Variants in STPG2 observed in about 807,000 individuals in gnomAD.
The protein encoded by STPG2 is sperm tail PG-rich repeat containing 2, also known as sperm-tail PG-rich repeat-containing protein 2.
STPG2 carries 56 observed loss-of-function variants against 54.2 expected under a neutral mutation model. The observed-to-expected ratio is 1.03, with a 90% confidence interval of 0.83 to 1.29. The LOEUF (loss-of-function observed/expected upper bound fraction) is 1.29. Ranked by LOEUF, STPG2 falls within the 50% of genes most tolerant of loss-of-function variation. The pLI is 0.00. For missense variants in STPG2, 596 were observed against 544.9 expected, an observed-to-expected ratio of 1.09 and a Z score of -0.93; for synonymous variants, 200 against 181.8, an observed-to-expected ratio of 1.10 and a Z score of -0.81.
At chr4:98,138,116 G>A (rs13108422) in intron 1 of STPG2, among the ~76,000 whole-genome samples, 59,308 of 151,704 alleles carry the variant, frequency 0.39, 11,822 homozygotes, top group Middle Eastern at 0.45. Flanking sequence ...AGACATGCAT[G>A]TATGATAGGC....
At chr4:97,474,319 A>G (rs931707203) in intron 4 of STPG2, among the ~76,000 whole-genome samples, 1 of 152,148 alleles carries the variant, frequency 6.6e-6, no homozygotes, top group Non-Finnish European at 1.5e-5. Context: ...TGCATTTTCC[A>G]TTTCATTGTT....
chr4:97,959,673 C>T (rs1366433620), intron 7 of STPG2, among the ~76,000 whole-genome samples: 2 of 150,980 alleles, frequency 1.3e-5, no homozygotes, highest in Non-Finnish European at 3.0e-5. Flanking sequence ...ATACCCTGAA[C>T]AAACCAATAG....
In STPG2 at chr4:97,655,062, T is replaced by C. The variant is rs527780966; in HGVS notation, c.1320+57637A>G. On this transcript the variant is annotated intron_variant, in intron 10 of 10. Coordinates refer to ENST00000295268, the MANE Select transcript of STPG2 (RefSeq NM_174952.3). Reference sequence around the variant, plus strand: ...TGGTTATCTCTGGCTGATAGAATTATAAATGATTTTCACTACTTTCTACTA... The same window carrying C: ...TGGTTATCTCTGGCTGATAGAATTACAAATGATTTTCACTACTTTCTACTA... 8.5e-5 allele frequency among the ~76,000 whole-genome samples: 13 copies of C among 152,226 alleles called. No individual in the cohort carries two copies. The South Asian group carries it at 1.2e-3, about 15-fold the overall frequency.
intron 9 of STPG2, among the ~76,000 whole-genome samples, chr4:97,839,845 A>G (rs973617673): frequency 1.3e-5 from 2 of 151,692 alleles, no homozygotes; most frequent in Non-Finnish European, 1.5e-5. Flanking sequence ...TTCATTAAAA[A>G]CTTTGGAAAA....
At chr4:98,045,658 A>G (rs987989414) in intron 5 of STPG2, among the ~76,000 whole-genome samples, 13 of 152,106 alleles carry the variant, frequency 8.5e-5, no homozygotes, top group Non-Finnish European at 1.6e-4. Context: ...CACTTTGATT[A>G]TATTACCCTA....
chr4:97,594,444 A>T (rs1047728788), intron 10 of STPG2, among the ~76,000 whole-genome samples: 1 of 152,210 alleles, frequency 6.6e-6, no homozygotes, highest in African/African-American at 2.4e-5. Context: ...AAACAAAAAT[A>T]AAGAAAAAAG....
At chr4:97,892,719 C>G (rs535235702) in intron 8 of STPG2, among the ~76,000 whole-genome samples, 1 of 152,280 alleles carries the variant, frequency 6.6e-6, no homozygotes, top group East Asian at 1.9e-4. Context: ...GCACATGCAC[C>G]AACCACAGGG....
chr4:97,994,593 C>T (rs937209044), intron 5 of STPG2, among the ~76,000 whole-genome samples: 1 of 151,942 alleles, frequency 6.6e-6, no homozygotes, highest in Non-Finnish European at 1.5e-5. Flanking sequence ...TCTAGCCACC[C>T]GGCAGAGATA....
chr4:97,650,371 T>C (rs1196731040), intron 10 of STPG2, among the ~76,000 whole-genome samples: 1 of 152,104 alleles, frequency 6.6e-6, no homozygotes, highest in African/African-American at 2.4e-5. Context: ...TGAGTGACCA[T>C]GGACCTGCCC....
chr4:97,753,879 T>G (rs559311442), intron 9 of STPG2, among the ~76,000 whole-genome samples: 3 of 152,134 alleles, frequency 2.0e-5, no homozygotes, highest in East Asian at 1.9e-4. Context: ...TGTTGTTGTT[T>G]TTGAGTTTAA....
chr4:97,908,123 A>G (rs1231407385), intron 8 of STPG2, among the ~76,000 whole-genome samples: 2 of 151,344 alleles, frequency 1.3e-5, no homozygotes, highest in African/African-American at 2.4e-5. Context: ...TACTCATCTG[A>G]CAAAGGGCTA....
At chr4:97,865,616 C>T (rs1017990040) in intron 8 of STPG2, among the ~76,000 whole-genome samples, 1 of 151,862 alleles carries the variant, frequency 6.6e-6, no homozygotes. Flanking sequence ...AAACCAAACA[C>T]CACATATTCT....
chr4:97,765,267 A>T (rs917131387), intron 9 of STPG2, among the ~76,000 whole-genome samples: 1 of 152,174 alleles, frequency 6.6e-6, no homozygotes, highest in Non-Finnish European at 1.5e-5. Flanking sequence ...TGTACTGTTC[A>T]ATCCAGGAAA....
At chr4:97,647,317 T>C (rs1721940221) in intron 10 of STPG2, among the ~76,000 whole-genome samples, 1 of 152,154 alleles carries the variant, frequency 6.6e-6, no homozygotes, top group Non-Finnish European at 1.5e-5. Context: ...TTGTGTCTGA[T>C]CCTGGATTTA....
At chr4:97,640,070 G>T (rs1721713588) in intron 10 of STPG2, among the ~76,000 whole-genome samples, 1 of 151,950 alleles carries the variant, frequency 6.6e-6, no homozygotes, top group South Asian at 2.1e-4. Flanking sequence ...GGTTTACTAT[G>T]GGCTTAGTAG....
intron 8 of STPG2, among the ~76,000 whole-genome samples, chr4:97,858,545 T>C (rs1729403048): frequency 1.3e-5 from 2 of 152,254 alleles, no homozygotes; most frequent in East Asian, 1.9e-4. Flanking sequence ...ATTTTATCCC[T>C]CTCTCCTCTC....
chr4:98,136,524 G>C (rs1229429094), intron 1 of STPG2, among the ~76,000 whole-genome samples: 1 of 151,664 alleles, frequency 6.6e-6, no homozygotes, highest in African/African-American at 2.4e-5. Flanking sequence ...GGTTGTGTGG[G>C]TACTGGAAGT....
At chr4:98,018,352 A>C (rs912296080) in intron 5 of STPG2, among the ~76,000 whole-genome samples, 1 of 152,056 alleles carries the variant, frequency 6.6e-6, no homozygotes, top group African/African-American at 2.4e-5. Flanking sequence ...TGAACTCATC[A>C]TTTTTTATGG....
At chr4:98,078,619 C>T (rs1738247043) in intron 5 of STPG2, among the ~76,000 whole-genome samples, 1 of 151,140 alleles carries the variant, frequency 6.6e-6, no homozygotes. Flanking sequence ...GCAAAGAGTG[C>T]AAAGATAAAT....
Sources: gnomAD v4.1 joint callset for allele counts (sites outside exome capture counted in the v4.1 genomes callset) on GRCh38, gnomAD v4.1.1 for gene constraint, MANE v1.5 for transcripts, NCBI Gene and HGNC (gene_info 2026-07-23, HGNC 2026-07-21) for gene names.